The following MDGA2 variants were observed in gnomAD, a reference collection of about 807,000 sequenced individuals.
The protein encoded by MDGA2 is MAM domain containing glycosylphosphatidylinositol anchor 2.
MDGA2 carries 40 observed loss-of-function variants against 117.8 expected under a neutral mutation model. That is an observed-to-expected ratio of 0.34 (90% CI 0.26 to 0.44). MDGA2 has a LOEUF of 0.44. MDGA2 is among the 20% of genes least tolerant of loss of function. The pLI, the probability that MDGA2 is intolerant of heterozygous loss-of-function variation, is 1.00. For synonymous variants in MDGA2, 452 were observed against 439.0 expected (o/e 1.03, Z -0.37); for missense variants, 1,123 against 1,250.6 (o/e 0.90, Z 1.54).
At chr14:47,134,083 A>G (rs1882338904) in intron 4 of MDGA2, among the ~76,000 whole-genome samples, 1 of 152,096 alleles carries the variant, frequency 6.6e-6, no homozygotes. Flanking sequence ...GCTAATTAAC[A>G]TATACATAAC....
intron 3 of MDGA2, among the ~76,000 whole-genome samples, chr14:47,157,187 T>A (rs1883422553): frequency 6.6e-6 from 1 of 152,214 alleles, no homozygotes; most frequent in Non-Finnish European, 1.5e-5. Context: ...ACATAGCAAT[T>A]TTTGAATAAC....
At chr14:47,437,163 A>G in intron 1 of MDGA2, among the ~76,000 whole-genome samples, 1 of 152,056 alleles carries the variant, frequency 6.6e-6, no homozygotes, top group East Asian at 1.9e-4. Context: ...ACTCCTCTCC[A>G]TCCCAAAGCA....
chr14:47,509,735 T>G (rs1894598546), intron 1 of MDGA2, among the ~76,000 whole-genome samples: 2 of 152,240 alleles, frequency 1.3e-5, no homozygotes, highest in African/African-American at 4.8e-5. Flanking sequence ...CCATTACGTC[T>G]TCTTTTCTCT....
chr14:47,433,490 C>T (rs1308854315), intron 1 of MDGA2, among the ~76,000 whole-genome samples: 1 of 151,970 alleles, frequency 6.6e-6, no homozygotes, highest in African/African-American at 2.4e-5. Flanking sequence ...ATAAAATAAT[C>T]GAGATGACTA....
chr14:47,078,089 G>T (rs577438620), intron 6 of MDGA2, among the ~76,000 whole-genome samples: 1 of 152,098 alleles, frequency 6.6e-6, no homozygotes, highest in South Asian at 2.1e-4. Context: ...TCAATTCAGG[G>T]ACAGATTTTA....
intron 10 of MDGA2, among the ~76,000 whole-genome samples, chr14:46,899,352 G>A: frequency 6.6e-6 from 1 of 151,932 alleles, no homozygotes; most frequent in Non-Finnish European, 1.5e-5. Context: ...ACATGGAGAG[G>A]AGTCAAATCC....
intron 6 of MDGA2, among the ~76,000 whole-genome samples, chr14:47,087,566 C>T (rs1293265443): frequency 6.7e-6 from 1 of 150,150 alleles, no homozygotes; most frequent in Non-Finnish European, 1.5e-5. Flanking sequence ...GAGAAGTAAC[C>T]AAAGGCCTAT....
Position 46,866,233 on chromosome 14 carries a change from T to C in MDGA2, c.2752+7200A>G, listed in dbSNP as rs1444648304. The stretch of plus-strand genomic sequence containing the variant: ...AACAGAACAGAGCCCTCAGAAATAA[T>C]GCCACATATCCACAACTATCTGATC... On this transcript the variant is annotated intron_variant, in intron 14 of 16. Coordinates refer to ENST00000399232, the MANE Select transcript of MDGA2 (RefSeq NM_001113498.3). Among the ~76,000 whole-genome samples the C allele has an allele frequency of 3.9e-5, 6 of 152,054 alleles. No individual in the cohort carries two copies. In the East Asian group the frequency reaches 1.2e-3, roughly 30 times the overall value.
chr14:46,922,645 G>C (rs1314178865), intron 9 of MDGA2, among the ~76,000 whole-genome samples: 1 of 152,082 alleles, frequency 6.6e-6, no homozygotes, highest in Non-Finnish European at 1.5e-5. Context: ...AAATACCCTA[G>C]GTTATTCTGA....
rs564386005 is a variant in MDGA2, at chr14:47,134,463, T to C, written c.793-2617A>G. 2.0e-5 allele frequency among the ~76,000 whole-genome samples: 3 copies of C among 152,126 alleles called. No homozygotes were observed. The Middle Eastern group carries it at 0.01, about 517-fold the overall frequency. Reference sequence around the variant, plus strand: ...ATTATTACAGATAATCAATAGATATTTGTGCATATTGTAAAAAAGAAAGTG... The same window carrying C: ...ATTATTACAGATAATCAATAGATATCTGTGCATATTGTAAAAAAGAAAGTG... On this transcript the variant is annotated intron_variant, in intron 4 of 16. Coordinates refer to ENST00000399232, the MANE Select transcript of MDGA2 (RefSeq NM_001113498.3).
intron 5 of MDGA2, among the ~76,000 whole-genome samples, chr14:47,108,388 G>A (rs1880845285): frequency 6.6e-6 from 1 of 152,224 alleles, no homozygotes; most frequent in African/African-American, 2.4e-5. Flanking sequence ...ATGGCCTGAA[G>A]TAACTGAAGA....
At chr14:47,343,901 G>T (rs1463779175) in intron 1 of MDGA2, among the ~76,000 whole-genome samples, 1 of 151,970 alleles carries the variant, frequency 6.6e-6, no homozygotes, top group Non-Finnish European at 1.5e-5. Flanking sequence ...AACCAACAAA[G>T]CTATTCACTA....
chr14:46,983,576 A>C (rs1443719468), intron 8 of MDGA2, among the ~76,000 whole-genome samples: 1 of 152,138 alleles, frequency 6.6e-6, no homozygotes, highest in African/African-American at 2.4e-5. Context: ...ATTAAATGAC[A>C]TACATTTGAG....
At chr14:47,588,487 G>A (rs1465930500) in intron 1 of MDGA2, among the ~76,000 whole-genome samples, 5 of 151,712 alleles carry the variant, frequency 3.3e-5, no homozygotes, top group Non-Finnish European at 7.4e-5. Context: ...GAACAATAAT[G>A]TTGGATATCT....
At chr14:47,390,602 T>C (rs1891872229) in intron 1 of MDGA2, among the ~76,000 whole-genome samples, 1 of 152,224 alleles carries the variant, frequency 6.6e-6, no homozygotes, top group African/African-American at 2.4e-5. Flanking sequence ...TGGGAACACG[T>C]AGGAAATGAG....
intron 1 of MDGA2, among the ~76,000 whole-genome samples, chr14:47,448,840 C>T (rs779977440): frequency 7.2e-5 from 11 of 152,080 alleles, no homozygotes; most frequent in Non-Finnish European, 1.6e-4. Flanking sequence ...TCATGTGGAA[C>T]GGAGTCCTTA....
At chr14:47,168,091 T>C (rs987221988) in intron 3 of MDGA2, among the ~76,000 whole-genome samples, 5 of 152,152 alleles carry the variant, frequency 3.3e-5, no homozygotes, top group African/African-American at 1.2e-4. Flanking sequence ...CTGTATGGCC[T>C]GGATGCAATG....
At chr14:46,864,102 A>G (rs1200184704) in intron 14 of MDGA2, among the ~76,000 whole-genome samples, 1 of 140,196 alleles carries the variant, frequency 7.1e-6, no homozygotes, top group African/African-American at 2.6e-5. Flanking sequence ...TGAAAAGCCA[A>G]AGCTAATTAA....
chr14:47,532,665 G>C (rs1780040757), intron 1 of MDGA2, among the ~76,000 whole-genome samples: 2 of 152,138 alleles, frequency 1.3e-5, no homozygotes, highest in Non-Finnish European at 2.9e-5. Flanking sequence ...TCTTGCTACT[G>C]AGCTCTTTTT....
Sources: allele counts gnomAD v4.1 joint callset (sites outside exome capture counted in the v4.1 genomes callset), GRCh38; gene constraint gnomAD v4.1.1; transcripts MANE v1.5; gene names NCBI Gene and HGNC (gene_info 2026-07-23, HGNC 2026-07-21).